The following VAC14 variants were observed in gnomAD, a reference collection of about 807,000 sequenced individuals.
VAC14 encodes the protein VAC14 component of PIKFYVE complex, also known as protein VAC14 homolog.
VAC14 carries 47 observed loss-of-function variants against 85.3 expected under a neutral mutation model. The observed-to-expected ratio is 0.55, with a 90% CI of 0.44 to 0.70. VAC14 has a LOEUF of 0.70. Ranked by LOEUF, VAC14 falls within the 30% of genes least tolerant of loss-of-function variation. The pLI, the probability that VAC14 is intolerant of heterozygous loss-of-function variation, is 0.00. For synonymous variants in VAC14, 447 were observed against 430.5 expected (o/e 1.04, Z -0.47); for missense variants, 861 against 1,004.3 (o/e 0.86, Z 1.93).
intron 1 of VAC14, among the ~76,000 whole-genome samples, chr16:70,799,390 T>C (rs1306633302): frequency 2.0e-5 from 3 of 152,074 alleles, no homozygotes; most frequent in African/African-American, 4.8e-5. Context: ...AGCTAGATGG[T>C]TGTGGACATA....
In VAC14 at chr16:70,780,424, A is replaced by C. The variant is rs181903721; in HGVS notation, c.1096+366T>G. Among the ~76,000 whole-genome samples, 822 of 152,192 alleles carry C rather than the reference A, an allele frequency of 5.4e-3. 3 individuals are homozygous for C. Among genetic ancestry groups the C allele is most frequent in the Non-Finnish European group, 9.8e-3 (668 of 67,998 alleles). On this transcript the variant is annotated intron_variant, in intron 9 of 18. Transcript: ENST00000261776. ...ATCCTGGTACTCCTCCCATGCTCCA[A>C]ACCTTCCTGCCCTGAAAACAACTCT... is the stretch of plus-strand genomic sequence containing the variant.
In VAC14 at chr16:70,783,081, T is replaced by A; in HGVS notation, c.763A>T (p.Lys255Ter). 1.9e-6 allele frequency: 3 copies of A among 1,614,178 alleles called. No homozygotes were observed. The highest frequency in any genetic ancestry group is 2.5e-6 in the Non-Finnish European group (3 of 1,180,032). Residue 255 changes from lysine (K) to a stop codon, truncating the protein, a stop_gained, in exon 7 of 19, where the codon AAG (lysine) becomes TAG (stop). Coordinates refer to ENST00000261776, the MANE Select transcript of VAC14 (RefSeq NM_018052.5). LOFTEE classifies it high-confidence loss of function. ...KEIKKNPSSV[K>*]FAEMANILVI... The stretch of plus-strand genomic sequence containing the variant: ...AGGATGTTGGCCATCTCAGCAAACT[T>A]CACACTGGAGGGGTTCTTCTTAATT...
intron 14 of VAC14, among the ~76,000 whole-genome samples, chr16:70,700,460 A>G (rs373279713): frequency 3.3e-5 from 5 of 152,322 alleles, no homozygotes; most frequent in Non-Finnish European, 7.4e-5. Context: ...TGTGATCTCA[A>G]TGTCTCCGCA....
intron 12 of VAC14, among the ~76,000 whole-genome samples, chr16:70,745,521 G>A (rs539507192): frequency 2.9e-4 from 40 of 137,452 alleles, no homozygotes; most frequent in Admixed American, 7.6e-4. Context: ...GTGTGTGTGC[G>A]CGTGTGCGCG....
At chr16:70,722,178 T>C (rs977029540) in intron 14 of VAC14, among the ~76,000 whole-genome samples, 5 of 152,178 alleles carry the variant, frequency 3.3e-5, no homozygotes, top group Non-Finnish European at 7.3e-5. Flanking sequence ...AACTCCCTCA[T>C]CCACTCAGAT....
intron 10 of VAC14, among the ~76,000 whole-genome samples, chr16:70,766,866 C>A (rs1382573250): frequency 1.3e-5 from 2 of 152,156 alleles, no homozygotes; most frequent in Non-Finnish European, 2.9e-5. Context: ...AGCAGGGGAA[C>A]TGGGGCTCTG....
At chr16:70,728,739 C>G (rs1399830834) in intron 14 of VAC14, among the ~76,000 whole-genome samples, 1 of 152,244 alleles carries the variant, frequency 6.6e-6, no homozygotes, top group African/African-American at 2.4e-5. Context: ...CACCTCAGCC[C>G]AGTTCTCCAG....
intron 17 of VAC14, 69 bp from the exon 18 acceptor site, chr16:70,693,040 T>A: frequency 6.5e-7 from 1 of 1,533,250 alleles, no homozygotes; most frequent in Non-Finnish European, 8.8e-7. Flanking sequence ...CCACACTGCC[T>A]GCCTCCGACT....
intron 9 of VAC14, among the ~76,000 whole-genome samples, chr16:70,773,814 G>A (rs1468357188): frequency 6.6e-6 from 1 of 152,056 alleles, no homozygotes; most frequent in Admixed American, 6.5e-5. Context: ...GCCCAGGCTG[G>A]AGTGTAGTGG....
At chr16:70,773,789 A>C (rs975386458) in intron 9 of VAC14, among the ~76,000 whole-genome samples, 6 of 151,894 alleles carry the variant, frequency 4.0e-5, no homozygotes, top group African/African-American at 1.5e-4. Context: ...TTTGAGATAG[A>C]GTCTTGGCTC....
chr16:70,696,158 C>G (rs1199195076), intron 16 of VAC14, among the ~76,000 whole-genome samples: 2 of 152,196 alleles, frequency 1.3e-5, no homozygotes, highest in African/African-American at 4.8e-5. Context: ...CTAAATAGCA[C>G]TCCAATCCTG....
chr16:70,696,437 C>T (rs559284273), intron 16 of VAC14, among the ~76,000 whole-genome samples: 68 of 152,324 alleles, frequency 4.5e-4, no homozygotes, highest in Admixed American at 2.1e-3. Flanking sequence ...CACTTAAACC[C>T]AGGAGGCGGA....
rs201284720 is a variant in VAC14, at chr16:70,785,840, G to T, written c.285C>A (p.Ile95=). ...CATTGAAGCAGGTCAGCACTGGCTC[G>T]ATCAGCTCCTTCAGGTAGAGCCCTG... ...KDSGLYLKEL[I]EPVLTCFNDA... Residue 95 remains isoleucine, a synonymous_variant, in exon 3 of 19, where the codon ATC becomes ATA. Coordinates refer to ENST00000261776, the MANE Select transcript of VAC14 (RefSeq NM_018052.5). 3.7e-6 allele frequency: 6 copies of T among 1,601,626 alleles called. No homozygotes were observed. The highest frequency in any genetic ancestry group is 4.3e-6 in the Non-Finnish European group (5 of 1,174,294).
intron 12 of VAC14, among the ~76,000 whole-genome samples, chr16:70,753,810 A>G (rs1422558275): frequency 6.6e-6 from 1 of 152,112 alleles, no homozygotes; most frequent in Non-Finnish European, 1.5e-5. Flanking sequence ...GGGGCTGGAT[A>G]GTGTGCTCAG....
chr16:70,710,209 TCC>T (rs780914565), intron 14 of VAC14, among the ~76,000 whole-genome samples: 1 of 152,328 alleles, frequency 6.6e-6, no homozygotes, highest in African/African-American at 2.4e-5. Context: ...GCACTCATGT[TCC>T]CATGAACATG....
intron 14 of VAC14, chr16:70,716,248 C>T (rs377187796): frequency 3.3e-5 from 5 of 152,152 alleles, no homozygotes; most frequent in South Asian, 2.1e-4. Flanking sequence ...GCTGCAGCCC[C>T]GGGGGAGGCG....
At chr16:70,772,525 G>C (rs967760737) in intron 9 of VAC14, 1 of 232,168 alleles carries the variant, frequency 4.3e-6, no homozygotes, top group Admixed American at 5.3e-5. Context: ...CAAACCACAA[G>C]ATACTACTGT....
At chr16:70,691,846 C>T (rs2053602301) in intron 18 of VAC14, 1 of 985,308 alleles carries the variant, frequency 1.0e-6, no homozygotes, top group Non-Finnish European at 1.2e-6. Context: ...GGCACAGGGC[C>T]TCCGGGCAGG....
At chr16:70,777,645 G>A (rs545823018) in intron 9 of VAC14, among the ~76,000 whole-genome samples, 1 of 152,380 alleles carries the variant, frequency 6.6e-6, no homozygotes, top group African/African-American at 2.4e-5. Flanking sequence ...AGGCACAGAT[G>A]AGGGGCTGCC....
Sources: gnomAD v4.1 joint callset for allele counts (sites outside exome capture counted in the v4.1 genomes callset) on GRCh38, gnomAD v4.1.1 for gene constraint, MANE v1.5 for transcripts, NCBI Gene and HGNC (gene_info 2026-07-23, HGNC 2026-07-21) for gene names.